CHN1: variants seen among roughly 807,000 people sequenced by gnomAD.
The protein encoded by CHN1 is N-chimaerin.
CHN1 carries 37 observed loss-of-function variants against 59.5 expected under a neutral mutation model. That is an observed-to-expected ratio of 0.62 (90% CI 0.48 to 0.82). The LOEUF is 0.82. CHN1 is among the 40% of genes least tolerant of loss of function. CHN1 has a pLI of 0.00. For synonymous variants in CHN1, 206 were observed against 200.4 expected (o/e 1.03, Z -0.24); for missense variants, 469 against 571.0 (o/e 0.82, Z 1.82).
intron 7 of CHN1, among the ~76,000 whole-genome samples, chr2:174,843,109 T>C (rs912572793): frequency 6.6e-6 from 1 of 152,200 alleles, no homozygotes; most frequent in African/African-American, 2.4e-5. Flanking sequence ...TTTTATTTTA[T>C]AGAGCTATCT....
intron 6 of CHN1, among the ~76,000 whole-genome samples, chr2:174,855,589 G>C (rs1686875347): frequency 6.6e-6 from 1 of 152,060 alleles, no homozygotes; most frequent in Non-Finnish European, 1.5e-5. Flanking sequence ...CTCCATTAGA[G>C]CCAAGAGTGG....
At chr2:174,854,326 A>T (rs1469673366) in intron 6 of CHN1, among the ~76,000 whole-genome samples, 1 of 152,114 alleles carries the variant, frequency 6.6e-6, no homozygotes, top group Non-Finnish European at 1.5e-5. Flanking sequence ...AGAAAAAAAA[A>T]AGGTAAGGGG....
intron 1 of CHN1, among the ~76,000 whole-genome samples, chr2:174,994,968 G>T (rs537318504): frequency 7.2e-5 from 11 of 152,124 alleles, no homozygotes; most frequent in African/African-American, 2.7e-4. Context: ...TTAAGTTTCC[G>T]ATTACAGACT....
At chr2:174,817,329 A>G (rs1040950079) in intron 8 of CHN1, among the ~76,000 whole-genome samples, 1 of 152,186 alleles carries the variant, frequency 6.6e-6, no homozygotes, top group Non-Finnish European at 1.5e-5. Context: ...TTGTTTTGTC[A>G]TATTCTTTCC....
intron 6 of CHN1, among the ~76,000 whole-genome samples, chr2:174,857,641 A>C (rs17270470): frequency 0.32 from 49,360 of 151,986 alleles, 9,324 homozygotes; most frequent in Admixed American, 0.46. Context: ...TTCCTAATCA[A>C]AAGCTGAAAC....
intron 5 of CHN1, among the ~76,000 whole-genome samples, chr2:174,905,760 G>A (rs901950481): frequency 1.7e-4 from 26 of 151,958 alleles, no homozygotes; most frequent in African/African-American, 5.6e-4. Flanking sequence ...GGGTTTCACC[G>A]TGTTAGCCAG....
At chr2:174,961,459 C>CAG (rs1455224101) in intron 1 of CHN1, among the ~76,000 whole-genome samples, 2 of 151,524 alleles carry the variant, frequency 1.3e-5, no homozygotes, top group African/African-American at 2.4e-5. Context: ...GGCATGGTTG[C>CAG]AGGTGCCTGT....
intron 6 of CHN1, among the ~76,000 whole-genome samples, chr2:174,876,279 G>C (rs956092547): frequency 1.3e-5 from 2 of 152,200 alleles, no homozygotes; most frequent in Non-Finnish European, 2.9e-5. Context: ...CGTTCAGAAT[G>C]CATTAACAAA....
At chr2:174,847,994 C>G (rs1400744121) in intron 6 of CHN1, among the ~76,000 whole-genome samples, 1 of 151,934 alleles carries the variant, frequency 6.6e-6, no homozygotes, top group Non-Finnish European at 1.5e-5. Flanking sequence ...GTTAGCTAAC[C>G]AAAACCCAAT....
In CHN1 at chr2:174,833,678, C is replaced by A. The variant is rs191006147; in HGVS notation, c.628-9160G>T. 2.3e-3 allele frequency among the ~76,000 whole-genome samples: 345 copies of A among 152,122 alleles called. 1 individual carries two copies. Among genetic ancestry groups the A allele is most frequent in the African/African-American group, 7.9e-3 (330 of 41,516 alleles). On this transcript the variant is annotated intron_variant, in intron 7 of 12. Coordinates refer to ENST00000409900, the MANE Select transcript of CHN1 (RefSeq NM_001822.7). Reference sequence around the variant, plus strand: ...TATGCATTCCATTTGTCCTTTATTCCTTTTTTTATGTTTTATACTCTGAAT... The same window carrying A: ...TATGCATTCCATTTGTCCTTTATTCATTTTTTTATGTTTTATACTCTGAAT...
At chr2:174,846,240 T>C (rs1686509901) in intron 7 of CHN1, 1 of 1,498,808 alleles carries the variant, frequency 6.7e-7, no homozygotes. Flanking sequence ...AACACACATA[T>C]CACCTTGAAA....
intron 11 of CHN1, among the ~76,000 whole-genome samples, chr2:174,807,213 C>T (rs757762346): frequency 1.3e-5 from 2 of 152,086 alleles, no homozygotes; most frequent in Non-Finnish European, 2.9e-5. Flanking sequence ...GGACAAAGGC[C>T]TCGAAGTCCA....
rs577017525 is a variant in CHN1 at position 174,814,763 on chromosome 2, T to C, written c.713-2281A>G. ...AATCAGCTTAAGGTCAGAAGCTAAG[T>C]TGAACTCAAGGCTAAAAATTTCATA... is the stretch of plus-strand genomic sequence containing the variant. On this transcript the variant is annotated intron_variant, in intron 8 of 12. Transcript: ENST00000409900. Among the ~76,000 whole-genome samples the C allele has an allele frequency of 6.6e-5, 10 of 152,302 alleles. 1 individual carries two copies. The highest frequency in any genetic ancestry group is 6.8e-3 in the Middle Eastern group (2 of 294).
chr2:174,852,679 T>A (rs1254642230), intron 6 of CHN1, among the ~76,000 whole-genome samples: 2 of 152,060 alleles, frequency 1.3e-5, no homozygotes, highest in African/African-American at 4.8e-5. Context: ...GACTTCAAAC[T>A]AAGTTATAAC....
chr2:174,809,370 G>A (rs1014012191), intron 10 of CHN1, among the ~76,000 whole-genome samples: 4 of 152,232 alleles, frequency 2.6e-5, no homozygotes, highest in East Asian at 3.9e-4. Flanking sequence ...AGGACCAAGC[G>A]TACATGGTTA....
chr2:174,800,166 G>C lies in CHN1; in HGVS notation c.1330C>G (p.Gln444Glu). Residue 444 changes from glutamine (Q) to glutamate (E), a missense_variant, in exon 13 of 13, where the codon CAG becomes GAG. Gln to Glu is a conservative substitution (Grantham distance 29, BLOSUM62 2). This residue lies in a region of CHN1 where 225 missense variants were observed against 289.9 expected (regional missense o/e 0.78). Coordinates refer to ENST00000409900, the MANE Select transcript of CHN1 (RefSeq NM_001822.7). ...AMAALNDIRY[Q>E]RLVVELLIKN... ...ATAAGCAGCTCCACCACCAGTCTCT[G>C]ATACCGTATATCATTCAATGCAGCC... 3 of 1,556,570 alleles carry C rather than the reference G, an allele frequency of 1.9e-6. No individual in the cohort carries two copies. The highest frequency in any genetic ancestry group is 2.6e-6 in the Non-Finnish European group (3 of 1,155,856).
intron 8 of CHN1, among the ~76,000 whole-genome samples, chr2:174,823,881 G>A (rs1347104240): frequency 2.6e-5 from 4 of 152,090 alleles, no homozygotes; most frequent in Non-Finnish European, 1.5e-5. Context: ...AGTATTTGAT[G>A]TATTTGATTT....
intron 5 of CHN1, among the ~76,000 whole-genome samples, chr2:174,891,492 C>T (rs1203671370): frequency 6.6e-6 from 1 of 151,102 alleles, no homozygotes; most frequent in East Asian, 1.9e-4. Flanking sequence ...TTGCTCAAAC[C>T]CGGGAGGTGG....
intron 2 of CHN1, chr2:174,945,231 C>A: frequency 4.3e-6 from 2 of 468,004 alleles, no homozygotes; most frequent in Non-Finnish European, 8.5e-6. Flanking sequence ...ATTTATTTTC[C>A]CCAGTTCTTT....
Sources: gnomAD v4.1 joint callset for allele counts (sites outside exome capture counted in the v4.1 genomes callset) on GRCh38, gnomAD v4.1.1 for gene constraint, gnomAD v4.1.1 regional missense constraint, MANE v1.5 for transcripts, NCBI Gene and HGNC (gene_info 2026-07-23, HGNC 2026-07-21) for gene names.